Variants in SLC2A5 observed in about 807,000 individuals in gnomAD.
SLC2A5 encodes solute carrier family 2 member 5.
In SLC2A5, 56 loss-of-function variants were observed where a neutral mutation model predicts 50.3. The observed-to-expected ratio is 1.11, with a 90% CI of 0.90 to 1.39. SLC2A5 has a LOEUF of 1.39. Among genes scored for constraint, SLC2A5 ranks in the 40% most tolerant of loss-of-function variants. SLC2A5 has a pLI of 0.00. For missense variants in SLC2A5, 566 were observed against 650.1 expected (o/e 0.87, Z 1.41); for synonymous variants, 269 against 281.9 (o/e 0.95, Z 0.46).
upstream of SLC2A5, chr1:9,069,670 A>T: frequency 2.2e-6 from 2 of 912,210 alleles, no homozygotes; most frequent in Non-Finnish European, 3.5e-6. Context: ...TTATAGCCAG[A>T]TTAAGTCAGA....
At chr1:9,089,138 G>T (rs953578162), upstream of SLC2A5, among the ~76,000 whole-genome samples, 3 of 152,170 alleles carry the variant, frequency 2.0e-5, no homozygotes, top group African/African-American at 7.2e-5. Context: ...AGTGGCTAAT[G>T]ATGCAGTTCC....
At chr1:9,071,103 T>C (rs1642202541), upstream of SLC2A5, among the ~76,000 whole-genome samples, 1 of 151,934 alleles carries the variant, frequency 6.6e-6, no homozygotes, top group African/African-American at 2.4e-5. Context: ...GGTACAGGTG[T>C]GCAATCCAAC....
rs527434548 is a variant in SLC2A5, at chr1:9,051,577, C to T, written c.294-3843G>A. ...CACATGATGTGTTATAGGGGAAATG[C>T]AAATTAAACAATAAGGTACCACCTG... On this transcript the variant is annotated intron_variant, in intron 3 of 11. Coordinates refer to ENST00000377424, the MANE Select transcript of SLC2A5 (RefSeq NM_003039.3). 7.2e-5 allele frequency among the ~76,000 whole-genome samples: 11 copies of T among 152,210 alleles called. No individual in the cohort carries two copies. In the South Asian group the frequency reaches 2.3e-3, roughly 32 times the overall value.
chr1:9,038,147 G>A (rs1392003669), intron 10 of SLC2A5, 123 bp from the exon 11 acceptor site: 29 of 1,201,502 alleles, frequency 2.4e-5, no homozygotes, highest in Non-Finnish European at 3.4e-5. Context: ...TCTTGGGCAT[G>A]TGGGGCAGCA....
chr1:9,057,958 T>C (rs933389765), intron 2 of SLC2A5, among the ~76,000 whole-genome samples, 194 bp downstream of exon 2: 11 of 152,216 alleles, frequency 7.2e-5, no homozygotes, highest in African/African-American at 2.7e-4. Context: ...CCACTGTGTG[T>C]CCATCCAGAC....
intron 3 of SLC2A5, 147 bp from the exon 4 acceptor site, chr1:9,047,881 T>C (rs1195648773): frequency 1.3e-6 from 1 of 789,692 alleles, no homozygotes; most frequent in Non-Finnish European, 2.0e-6. Context: ...CTGAGACTGA[T>C]ACAGGTCAAG....
chr1:9,088,968 G>A (rs924830684), upstream of SLC2A5, among the ~76,000 whole-genome samples: 3 of 152,096 alleles, frequency 2.0e-5, no homozygotes, highest in African/African-American at 4.8e-5. Context: ...TCTCATTATC[G>A]CAAGAAATTC....
At chr1:9,041,471 T>C (rs1468539706) in intron 5 of SLC2A5, 1 of 1,307,248 alleles carries the variant, frequency 7.6e-7, no homozygotes, top group Non-Finnish European at 9.7e-7. Context: ...GGCACACTGG[T>C]GGCTGTCATT....
intron 8 of SLC2A5, 84 bp downstream of exon 8, chr1:9,039,468 C>A (rs2124306360): frequency 2.0e-6 from 2 of 1,002,814 alleles, no homozygotes; most frequent in Non-Finnish European, 1.4e-6. Flanking sequence ...GGGCCACGGG[C>A]TGCCCTTTTG....
chr1:9,045,489 G>C (rs1641411435), intron 4 of SLC2A5, among the ~76,000 whole-genome samples: 1 of 152,130 alleles, frequency 6.6e-6, no homozygotes, highest in Non-Finnish European at 1.5e-5. Flanking sequence ...TATTGTTAAT[G>C]GTCAATAGAA....
chr1:9,058,708 A>G (rs1641826255), intron 1 of SLC2A5, among the ~76,000 whole-genome samples: 2 of 152,234 alleles, frequency 1.3e-5, no homozygotes, highest in South Asian at 4.1e-4. Flanking sequence ...GCATTTGCCA[A>G]CTGCAGCAAA....
upstream of SLC2A5, among the ~76,000 whole-genome samples, chr1:9,089,868 G>T (rs1353851173): frequency 6.6e-6 from 1 of 152,130 alleles, no homozygotes; most frequent in African/African-American, 2.4e-5. Context: ...GAGGAATGAG[G>T]GTCCCTGGGA....
intron 3 of SLC2A5, among the ~76,000 whole-genome samples, chr1:9,049,986 G>A (rs1641529163): frequency 6.6e-6 from 1 of 151,340 alleles, no homozygotes; most frequent in African/African-American, 2.4e-5. Flanking sequence ...AAAAATAATA[G>A]ATTGGCCAGG....
intron 3 of SLC2A5, among the ~76,000 whole-genome samples, chr1:9,048,251 G>A (rs147587318): frequency 6.6e-6 from 1 of 152,314 alleles, no homozygotes; most frequent in East Asian, 1.9e-4. Flanking sequence ...GCTCACGCCT[G>A]TAATCCCAGC....
chr1:9,068,610 C>T (rs989038985), intron 1 of SLC2A5, among the ~76,000 whole-genome samples: 1 of 152,008 alleles, frequency 6.6e-6, no homozygotes, highest in Non-Finnish European at 1.5e-5. Context: ...TGCCACCACG[C>T]CTGGCTAATT....
intron 2 of SLC2A5, among the ~76,000 whole-genome samples, chr1:9,077,023 G>A (rs1030894923): frequency 6.6e-6 from 1 of 151,222 alleles, no homozygotes; most frequent in Non-Finnish European, 1.5e-5. Context: ...TCCTGACCTC[G>A]TGATCCGCTC....
At chr1:9,074,834 G>T (rs1642262496) in intron 2 of SLC2A5, among the ~76,000 whole-genome samples, 1 of 152,006 alleles carries the variant, frequency 6.6e-6, no homozygotes, top group Admixed American at 6.6e-5. Context: ...GACCAGCCTG[G>T]GCAACACAGT....
intron 3 of SLC2A5, among the ~76,000 whole-genome samples, chr1:9,053,871 C>T (rs1205608454): frequency 6.8e-6 from 1 of 147,468 alleles, no homozygotes; most frequent in East Asian, 2.0e-4. Context: ...AAGACTCTGT[C>T]TCAAAAAAAT....
At chr1:9,056,387 G>C (rs2124399638) in intron 3 of SLC2A5, among the ~76,000 whole-genome samples, 1 of 152,250 alleles carries the variant, frequency 6.6e-6, no homozygotes, top group South Asian at 2.1e-4. Flanking sequence ...GTTTCACCAT[G>C]TTGGCCAGGC....
Sources: allele counts gnomAD v4.1 joint callset (sites outside exome capture counted in the v4.1 genomes callset), GRCh38; gene constraint gnomAD v4.1.1; transcripts MANE v1.5; gene names NCBI Gene and HGNC (gene_info 2026-07-23, HGNC 2026-07-21).